The following CCSER2 variants were observed in gnomAD, a reference collection of about 807,000 sequenced individuals.
The protein encoded by CCSER2 is serine-rich coiled-coil domain-containing protein 2.
CCSER2 carries 46 observed loss-of-function variants against 92.3 expected under a neutral mutation model. That is an observed-to-expected ratio of 0.50 (90% CI 0.39 to 0.64). The LOEUF (loss-of-function observed/expected upper bound fraction) is 0.64, where lower values mean the gene tolerates loss of function less well. CCSER2 is among the 30% of genes least tolerant of loss of function. CCSER2 has a pLI of 0.00. For synonymous variants in CCSER2, 433 were observed against 431.4 expected (o/e 1.00, Z -0.04); for missense variants, 1,244 against 1,238.9 (o/e 1.00, Z -0.06).
intron 1 of CCSER2, among the ~76,000 whole-genome samples, chr10:84,341,058 T>TTG (rs1564578858): frequency 6.7e-6 from 1 of 149,490 alleles, no homozygotes; most frequent in Non-Finnish European, 1.5e-5. Flanking sequence ...TTTTTTTTTT[T>TTG]GAGACAGTGT....
intron 1 of CCSER2, among the ~76,000 whole-genome samples, chr10:84,340,139 G>A (rs1844092668): frequency 6.6e-6 from 1 of 152,132 alleles, no homozygotes; most frequent in Non-Finnish European, 1.5e-5. Flanking sequence ...CACTGCACCT[G>A]GCCATCACTT....
chr10:84,361,660 A>C (rs1193935335), intron 1 of CCSER2, among the ~76,000 whole-genome samples: 2 of 146,072 alleles, frequency 1.4e-5, no homozygotes, highest in Non-Finnish European at 3.0e-5. Flanking sequence ...TTTTTTTTTG[A>C]GATGGAGTTT....
At chr10:84,431,888 C>T (rs555833273) in intron 5 of CCSER2, among the ~76,000 whole-genome samples, 4 of 152,236 alleles carry the variant, frequency 2.6e-5, no homozygotes, top group African/African-American at 7.2e-5. Context: ...TTTGCACGGG[C>T]GTACATTTTT....
chr10:84,345,468 A>G (rs1844425659), intron 1 of CCSER2, among the ~76,000 whole-genome samples: 1 of 152,178 alleles, frequency 6.6e-6, no homozygotes. Context: ...ATACATGTCT[A>G]TTTACACAGT....
chr10:84,468,339 T>G (rs1488228255), intron 7 of CCSER2, among the ~76,000 whole-genome samples: 2 of 152,192 alleles, frequency 1.3e-5, no homozygotes, highest in African/African-American at 2.4e-5. Flanking sequence ...AAATCAGTGT[T>G]CCCAATGCAA....
At chr10:84,438,954 CT>C (rs1397126533) in intron 6 of CCSER2, among the ~76,000 whole-genome samples, 1 of 152,144 alleles carries the variant, frequency 6.6e-6, no homozygotes, top group Non-Finnish European at 1.5e-5. Context: ...ATCTCTGCTT[CT>C]GTTTCTTCAT....
At chr10:84,362,303 T>C (rs181697933) in intron 1 of CCSER2, among the ~76,000 whole-genome samples, 63 of 152,348 alleles carry the variant, frequency 4.1e-4, no homozygotes, top group Non-Finnish European at 8.7e-4. Context: ...TTAATTGTTA[T>C]AGGTGTCTAC....
intron 9 of CCSER2, among the ~76,000 whole-genome samples, chr10:84,499,175 GC>G (rs1461436943): frequency 6.6e-6 from 1 of 151,898 alleles, no homozygotes; most frequent in Non-Finnish European, 1.5e-5. Flanking sequence ...TTGCTCTGTT[GC>G]CCAGGCTGGA....
At chr10:84,480,265 T>A (rs7477533) in intron 9 of CCSER2, among the ~76,000 whole-genome samples, 85,971 of 151,708 alleles carry the variant, frequency 0.57, 27,046 homozygotes, top group East Asian at 0.74. Context: ...TCAGGTGATC[T>A]TTTTGCCTCA....
chr10:84,454,567 T>G (rs1055671198), intron 6 of CCSER2: 7 of 152,286 alleles, frequency 4.6e-5, no homozygotes, highest in Admixed American at 2.6e-4. Flanking sequence ...TTGCTTTTAC[T>G]TAGAAGAAGG....
intron 6 of CCSER2, among the ~76,000 whole-genome samples, chr10:84,444,961 A>C (rs1184230303): frequency 1.3e-5 from 2 of 152,200 alleles, no homozygotes; most frequent in African/African-American, 4.8e-5. Flanking sequence ...CTGAAATTTA[A>C]TTGTGCTTTG....
intron 9 of CCSER2, among the ~76,000 whole-genome samples, chr10:84,490,219 T>C (rs1475745798): frequency 6.6e-6 from 1 of 152,232 alleles, no homozygotes; most frequent in Non-Finnish European, 1.5e-5. Context: ...TTATGTGTCT[T>C]GGAGTTGCTC....
chr10:84,338,306 C>A (rs7074920), intron 1 of CCSER2, among the ~76,000 whole-genome samples: 568 of 146,688 alleles, frequency 3.9e-3, no homozygotes, highest in Non-Finnish European at 6.2e-3. Flanking sequence ...AAAAAAAAAA[C>A]AAAAAAAAAC....
intron 4 of CCSER2, among the ~76,000 whole-genome samples, chr10:84,422,557 T>TCTCAA (rs1232344232): frequency 2.1e-4 from 32 of 152,136 alleles, no homozygotes; most frequent in African/African-American, 7.7e-4. Context: ...TAGCTGGGGT[T>TCTCAA]CTCAACTCAT....
intron 6 of CCSER2, among the ~76,000 whole-genome samples, chr10:84,459,663 C>G (rs2133645170): frequency 6.6e-6 from 1 of 152,246 alleles, no homozygotes; most frequent in Admixed American, 6.5e-5. Context: ...GCTGGGACTA[C>G]AGGTGCATCC....
rs2133179848 is a variant in CCSER2 at position 84,373,642 on chromosome 10, A to G, written c.1441A>G (p.Thr481Ala). The change falls in exon 3 of 10, where the codon ACT becomes GCT. Residue 481 changes from threonine to alanine, a missense_variant. Physicochemically the swap from Thr to Ala is moderately conservative, Grantham distance 58. Transcript: ENST00000372088. The stretch of plus-strand genomic sequence containing the variant: ...AGACAGGAGTGAATGTACAAAACAT[A>G]CTTCTGGGAATAATTTGGTTTCACC... ...VSDRSECTKH[T>A]SGNNLVSPDT... is the part of the protein sequence containing the mutation. 2 of 1,612,976 alleles carry G rather than the reference A, an allele frequency of 1.2e-6. No homozygotes were observed. Among genetic ancestry groups the G allele is most frequent in the Middle Eastern group, 3.3e-4 (2 of 6,052 alleles).
At chr10:84,436,411 G>A (rs1177892653) in intron 5 of CCSER2, among the ~76,000 whole-genome samples, 5 of 150,392 alleles carry the variant, frequency 3.3e-5, no homozygotes, top group Non-Finnish European at 7.4e-5. Context: ...CGAGGCGGGC[G>A]GATCACGAGG....
chr10:84,517,735 C>T lies in CCSER2; in HGVS notation c.*3468C>T, dbSNP rs1849644193. ...TTCCATTGTTCCGATAAGTATTTTACTTTTTTCTCAGTACATCAGAGAGAG... is the reference window on the plus strand; with the variant it reads ...TTCCATTGTTCCGATAAGTATTTTATTTTTTTCTCAGTACATCAGAGAGAG... On this transcript the variant is annotated 3_prime_UTR_variant, in exon 10 of 10. Transcript: ENST00000372088. The T allele has an allele frequency of 6.6e-6, 1 of 152,580 alleles. No individual in the cohort carries two copies. Among genetic ancestry groups the T allele is most frequent in the African/African-American group, 2.4e-5 (1 of 41,428 alleles). 9.5% of individuals were successfully genotyped at this position (152,580 alleles called of 1,614,324 possible).
chr10:84,361,330 T>A (rs1281858539), intron 1 of CCSER2, among the ~76,000 whole-genome samples: 2 of 152,230 alleles, frequency 1.3e-5, no homozygotes, highest in Non-Finnish European at 2.9e-5. Flanking sequence ...GAGGGGCTTG[T>A]CTCCCTTTGG....
Sources: gnomAD v4.1 joint callset for allele counts (sites outside exome capture counted in the v4.1 genomes callset) on GRCh38, gnomAD v4.1.1 for gene constraint, MANE v1.5 for transcripts, NCBI Gene and HGNC (gene_info 2026-07-23, HGNC 2026-07-21) for gene names.